The following RAP1B variants were observed in gnomAD, a reference collection of about 807,000 sequenced individuals.
The protein encoded by RAP1B is RAP1B, member of RAS oncogene family, also known as ras-related protein Rap-1b.
A neutral mutation model predicts 27.5 loss-of-function variants in RAP1B; 1 was observed. That is an observed-to-expected ratio of 0.04 (90% CI 0.01 to 0.17). The LOEUF is 0.17. RAP1B is among the 10% of genes least tolerant of loss of function. The probability of loss-of-function intolerance (pLI) is 1.00; values close to 1 mark genes in which losing one functional copy is unlikely to be tolerated. For missense variants in RAP1B, 84 were observed against 214.8 expected (o/e 0.39, Z 3.81); for synonymous variants, 75 against 73.1 (o/e 1.03, Z -0.13).
In RAP1B at chr12:68,670,803, T is replaced by G. The variant is rs1274913791; in HGVS notation, c.*11554T>G. ...CAACACTTTGGGAGGCCGAGGCGGG[T>G]GGATCACCTGAGGTCAGGAGTTTGA... On this transcript the variant is annotated 3_prime_UTR_variant, in exon 8 of 8. Coordinates refer to ENST00000250559, the MANE Select transcript of RAP1B (RefSeq NM_001010942.3). 5 of 151,326 alleles carry G rather than the reference T, an allele frequency of 3.3e-5. No individual in the cohort carries two copies. Among genetic ancestry groups the G allele is most frequent in the South Asian group, 2.1e-4 (1 of 4,804 alleles). The allele number at this position is 151,326 out of a possible 1,614,324, so 9.4% of individuals were successfully genotyped here.
At chr12:68,623,953 G>A (rs1871563626) in intron 1 of RAP1B, among the ~76,000 whole-genome samples, 1 of 151,964 alleles carries the variant, frequency 6.6e-6, no homozygotes, top group Non-Finnish European at 1.5e-5. Flanking sequence ...CCCAGGAGGC[G>A]GAGGTTGCAG....
chr12:68,615,192 T>G (rs1328896033), intron 1 of RAP1B, among the ~76,000 whole-genome samples: 1 of 152,170 alleles, frequency 6.6e-6, no homozygotes, highest in African/African-American at 2.4e-5. Context: ...AGCAACTGAT[T>G]ATTTAAGCAG....
Position 68,657,439 on chromosome 12 carries a change from C to A in RAP1B, c.*30+222C>A, listed in dbSNP as rs1282772786. On this transcript the variant is annotated intron_variant, in intron 7 of 7. Transcript: ENST00000250559. ...TCTTTTTTTGAGATGGAGTTTCACTCTGTCACCCAGGCTGGAGTGCAGTGG... is the reference window on the plus strand; with the variant it reads ...TCTTTTTTTGAGATGGAGTTTCACTATGTCACCCAGGCTGGAGTGCAGTGG... The A allele has an allele frequency of 1.0e-5, 3 of 297,748 alleles. No individual in the cohort carries two copies. In the South Asian group the frequency reaches 1.7e-4, roughly 17 times the overall value. The allele number at this position is 297,748 out of a possible 1,614,324, so 18.4% of individuals were successfully genotyped here.
At chr12:68,651,937 A>T in intron 3 of RAP1B, 58 bp from the exon 4 acceptor site, 1 of 1,366,266 alleles carries the variant, frequency 7.3e-7, no homozygotes, top group Admixed American at 1.7e-5. Context: ...TTTTGTGTAT[A>T]TTAAGGTAGT....
chr12:68,650,516 AC>A, intron 3 of RAP1B, 48 bp downstream of exon 3: 1 of 1,326,500 alleles, frequency 7.5e-7, no homozygotes, highest in Non-Finnish European at 1.0e-6. Flanking sequence ...TAATATAAAT[AC>A]TTATTTTAGC....
chr12:68,666,098 G>T lies in RAP1B; in HGVS notation c.*6849G>T, dbSNP rs1874836800. 6.6e-6 allele frequency: 1 copy of T among 152,202 alleles called. No homozygotes were observed. The highest frequency in any genetic ancestry group is 1.5e-5 in the Non-Finnish European group (1 of 68,054). The allele number at this position is 152,202 out of a possible 1,614,324, so 9.4% of individuals were successfully genotyped here. On this transcript the variant is annotated 3_prime_UTR_variant, in exon 8 of 8. Transcript: ENST00000250559. ...GAACTCCTGACCTCGTGATCCATCT[G>T]CTTCAGCCTCCCAAAGTGCTGGGAT...
intron 1 of RAP1B, among the ~76,000 whole-genome samples, chr12:68,614,515 A>G (rs1353776733): frequency 6.6e-6 from 1 of 152,142 alleles, no homozygotes; most frequent in Non-Finnish European, 1.5e-5. Flanking sequence ...TCACGTGTTC[A>G]CTCTATAGAA....
intron 1 of RAP1B, among the ~76,000 whole-genome samples, chr12:68,625,876 C>T (rs112776045): frequency 0.1 from 15,448 of 151,318 alleles, 832 homozygotes; most frequent in East Asian, 0.23. Flanking sequence ...GAGCCAAGAT[C>T]GTGCCGCTGC....
chr12:68,626,892 T>G, intron 1 of RAP1B: 1 of 1,577,148 alleles, frequency 6.3e-7, no homozygotes. Context: ...GGCCCGCCAC[T>G]TGTCCACAGG....
chr12:68,643,093 G>T, intron 1 of RAP1B: 1 of 614,328 alleles, frequency 1.6e-6, no homozygotes. Context: ...GAGTTTTTCT[G>T]TTGATTATAG....
chr12:68,621,191 A>T (rs1299775922), intron 1 of RAP1B, among the ~76,000 whole-genome samples: 1 of 152,198 alleles, frequency 6.6e-6, no homozygotes, highest in African/African-American at 2.4e-5. Flanking sequence ...TCCTGCCTGC[A>T]TGTGCTAATC....
At chr12:68,655,131 C>A (rs1035669332) in intron 5 of RAP1B, among the ~76,000 whole-genome samples, 1 of 151,872 alleles carries the variant, frequency 6.6e-6, no homozygotes, top group African/African-American at 2.4e-5. Context: ...GGCAACATAG[C>A]AAAACCCTGC....
intron 1 of RAP1B, chr12:68,642,992 A>G (rs1592452742): frequency 1.3e-6 from 1 of 799,566 alleles, no homozygotes; most frequent in Non-Finnish European, 2.3e-6. Context: ...TCGCCCAGCC[A>G]TGTTGGGATT....
intron 1 of RAP1B, among the ~76,000 whole-genome samples, chr12:68,642,324 G>T (rs547447208): frequency 6.6e-6 from 1 of 152,186 alleles, no homozygotes; most frequent in South Asian, 2.1e-4. Flanking sequence ...GGAAATTCAA[G>T]CGAGAATGAT....
chr12:68,650,265 C>G (rs1022893083), intron 2 of RAP1B, 135 bp from the exon 3 acceptor site: 21 of 738,678 alleles, frequency 2.8e-5, no homozygotes, highest in South Asian at 1.9e-4. Context: ...TGTACACATT[C>G]GAATGTAGTA....
At chr12:68,650,363 C>A in intron 2 of RAP1B, 37 bp from the exon 3 acceptor site, 1 of 1,463,708 alleles carries the variant, frequency 6.8e-7, no homozygotes, top group East Asian at 2.5e-5. Flanking sequence ...GTACTCTTTT[C>A]TTTAGAAGTA....
intron 1 of RAP1B, among the ~76,000 whole-genome samples, chr12:68,613,389 T>TAA (rs34380580): frequency 0.11 from 13,747 of 123,154 alleles, 949 homozygotes; most frequent in Non-Finnish European, 0.15. Context: ...AGACCTGTCT[T>TAA]AAAAAAAAAA....
At chr12:68,638,283 CT>C (rs11324342) in intron 1 of RAP1B, among the ~76,000 whole-genome samples, 8,035 of 152,096 alleles carry the variant, frequency 0.053, 697 homozygotes, top group African/African-American at 0.18. Context: ...CAGTTAGTCT[CT>C]TTATTTGTGG....
intron 1 of RAP1B, among the ~76,000 whole-genome samples, chr12:68,633,758 T>C (rs999254470): frequency 6.6e-6 from 1 of 152,136 alleles, no homozygotes; most frequent in African/African-American, 2.4e-5. Context: ...TAGTCCCAGC[T>C]ACTCAGGAGG....
Sources: allele counts gnomAD v4.1 joint callset (sites outside exome capture counted in the v4.1 genomes callset), GRCh38; gene constraint gnomAD v4.1.1; transcripts MANE v1.5; gene names NCBI Gene and HGNC (gene_info 2026-07-23, HGNC 2026-07-21).